SPAG7: variants seen among roughly 807,000 people sequenced by gnomAD.
The protein encoded by SPAG7 is sperm-associated antigen 7.
Under a neutral mutation model 30.6 loss-of-function variants are expected in SPAG7, and 20 were observed. The observed-to-expected ratio is 0.65, with a 90% CI of 0.46 to 0.95. The LOEUF (loss-of-function observed/expected upper bound fraction) is 0.95, where lower values mean the gene tolerates loss of function less well. Ranked by LOEUF, SPAG7 falls within the 40% of genes least tolerant of loss-of-function variation. The pLI, the probability that SPAG7 is intolerant of heterozygous loss-of-function variation, is 0.00. For missense variants in SPAG7, 276 were observed against 291.1 expected (o/e 0.95, Z 0.38); for synonymous variants, 127 against 104.2 (o/e 1.22, Z -1.33).
At chr17:4,962,526 G>C (rs1174016909) in intron 1 of SPAG7, among the ~76,000 whole-genome samples, 1 of 152,204 alleles carries the variant, frequency 6.6e-6, no homozygotes, top group Non-Finnish European at 1.5e-5. Flanking sequence ...TCCTACCTTA[G>C]CTTCTCAAGT....
chr17:4,962,355 C>T (rs564758517), intron 1 of SPAG7, among the ~76,000 whole-genome samples: 1 of 152,198 alleles, frequency 6.6e-6, no homozygotes, highest in East Asian at 1.9e-4. Context: ...CTCAAGTGAT[C>T]CCCCCGCCTC....
Position 4,959,630 on chromosome 17 carries a change from A to G in SPAG7, c.588T>C (p.Asn196=). The change falls in exon 7 of 7, where the codon AAT becomes AAC. Residue 196 remains asparagine, a synonymous_variant. Transcript: ENST00000206020. ...CTTCAATGGAGCGTGTGTCCCTCTT[A>G]TTGGCCACGGGCACTAGGGGCAGAG... ...NKTYGCVPVA[N]KRDTRSIEEA... is the part of the protein sequence containing the mutation. The G allele has an allele frequency of 6.2e-7, 1 of 1,613,928 alleles. No individual in the cohort carries two copies. Among genetic ancestry groups the G allele is most frequent in the Non-Finnish European group, 8.5e-7 (1 of 1,179,958 alleles).
At chr17:4,963,011 C>T (rs1196169434) in intron 1 of SPAG7, among the ~76,000 whole-genome samples, 1 of 151,850 alleles carries the variant, frequency 6.6e-6, no homozygotes, top group African/African-American at 2.4e-5. Context: ...AAGTAATCCT[C>T]CCACCTTGAC....
Position 4,959,400 on chromosome 17 carries a change from T to G in SPAG7, c.*134A>C, listed in dbSNP as rs1038986377. ...AACGGTGACAAATCAAACACCTGTT[T>G]TCCCCCAGCCTGAGGGACAGCTGGT... On this transcript the variant is annotated 3_prime_UTR_variant, in exon 7 of 7. Transcript: ENST00000206020. 10 of 689,320 alleles carry G rather than the reference T, an allele frequency of 1.5e-5. No homozygotes were observed. The highest frequency in any genetic ancestry group is 2.5e-5 in the Non-Finnish European group (10 of 396,756). 42.7% of individuals were successfully genotyped at this position (689,320 alleles called of 1,614,324 possible).
In SPAG7 at chr17:4,960,220, T is replaced by C; in HGVS notation, c.327+14A>G. On this transcript the variant is annotated intron_variant, in intron 4 of 6. Coordinates refer to ENST00000206020, the MANE Select transcript of SPAG7 (RefSeq NM_004890.3). The stretch of plus-strand genomic sequence containing the variant: ...AAAGGGGAGAGGAGAGAATGAGGAA[T>C]TCAGGCCCTTTACCTTTTTGAAGAT... The C allele has an allele frequency of 6.2e-7, 1 of 1,613,298 alleles. No homozygotes were observed. Among genetic ancestry groups the C allele is most frequent in the South Asian group, 1.1e-5 (1 of 91,072 alleles).
Position 4,959,242 on chromosome 17 carries a change from T to C in SPAG7, c.*292A>G, listed in dbSNP as rs1418619931. On this transcript the variant is annotated 3_prime_UTR_variant, in exon 7 of 7. Transcript: ENST00000206020. ...ACCAGGACATTGGGTTAAACAGTAT[T>C]TATTGAATGTAAAGTACCCCAGCCC... is the stretch of plus-strand genomic sequence containing the variant. 5 of 496,290 alleles carry C rather than the reference T, an allele frequency of 1.0e-5. No individual in the cohort carries two copies. Among genetic ancestry groups the C allele is most frequent in the Non-Finnish European group, 1.8e-5 (5 of 276,776 alleles). 30.7% of individuals were successfully genotyped at this position (496,290 alleles called of 1,614,324 possible). A position where few individuals can be genotyped will look rare whatever the true frequency, so the allele number is the denominator to read the frequency against.
chr17:4,960,800 C>T lies in SPAG7; in HGVS notation c.139G>A (p.Glu47Lys). ...GTTGTTCTCACCCTTTTACGAAACT[C>T]CACTTTCTGTTGTTTCTCTTGCTCT... ...LQEQEKQQKV[E>K]FRKRMEKEVS... is the part of the protein sequence containing the mutation. Residue 47 changes from glutamate (E) to lysine (K), a missense_variant, in exon 2 of 7, where the codon GAG becomes AAG. Physicochemically the swap from Glu to Lys is moderately conservative, Grantham distance 56 (BLOSUM62 1). Coordinates refer to ENST00000206020, the MANE Select transcript of SPAG7 (RefSeq NM_004890.3). The T allele has an allele frequency of 2.5e-6, 4 of 1,614,156 alleles. No homozygotes were observed. Among genetic ancestry groups the T allele is most frequent in the Non-Finnish European group, 3.4e-6 (4 of 1,179,998 alleles).
chr17:4,962,496 C>T (rs1267634321), intron 1 of SPAG7, among the ~76,000 whole-genome samples: 4 of 152,218 alleles, frequency 2.6e-5, no homozygotes, highest in East Asian at 3.8e-4. Flanking sequence ...CAGCCTTGAC[C>T]TCCCTGGCTC....
rs1597709715 is a variant in SPAG7 at position 4,959,421 on chromosome 17, C to T, written c.*113G>A. 2.6e-6 allele frequency: 2 copies of T among 782,510 alleles called. No individual in the cohort carries two copies. The highest frequency in any genetic ancestry group is 1.6e-5 in the South Asian group (1 of 63,896). The allele number at this position is 782,510 out of a possible 1,614,324, so 48.5% of individuals were successfully genotyped here. A position where few individuals can be genotyped will look rare whatever the true frequency, so the allele number is the denominator to read the frequency against. ...TGTTTTCCCCCAGCCTGAGGGACAGCTGGTAGGAGGTGGTTCAGAGGTGGG... is the reference window on the plus strand; with the variant it reads ...TGTTTTCCCCCAGCCTGAGGGACAGTTGGTAGGAGGTGGTTCAGAGGTGGG... On this transcript the variant is annotated 3_prime_UTR_variant, in exon 7 of 7. Transcript: ENST00000206020.
intron 1 of SPAG7, among the ~76,000 whole-genome samples, chr17:4,961,463 A>G (rs1260692640): frequency 1.4e-5 from 2 of 147,884 alleles, no homozygotes; most frequent in Non-Finnish European, 3.0e-5. Flanking sequence ...TCTCAAAAAA[A>G]AAAAAGAGAT....
In SPAG7 at chr17:4,967,808, G is replaced by C. The variant is rs1971996645; in HGVS notation, c.-4C>G. 6.2e-7 allele frequency: 1 copy of C among 1,610,574 alleles called. No homozygotes were observed. The highest frequency in any genetic ancestry group is 8.5e-7 in the Non-Finnish European group (1 of 1,176,876). ...TGGAGCCCAGTAGGTCCGCCATCTT[G>C]GGAGTGACTGAGAGGGGGCGGTGCG... On this transcript the variant is annotated 5_prime_UTR_variant, in exon 1 of 7. Transcript: ENST00000206020.
rs772016315 is a variant in SPAG7 at position 4,960,054 on chromosome 17, G to A, written c.385C>T (p.Pro129Ser). Reference sequence around the variant, plus strand: ...TTCCGCTTCTCCTCAGCCTTCTGGGGGTCCCATTCCTCTCCACGACGGTAA... The same window carrying A: ...TTCCGCTTCTCCTCAGCCTTCTGGGAGTCCCATTCCTCTCCACGACGGTAA... ...DSYRRGEEWD[P>S]QKAEEKRKLK... is the part of the protein sequence containing the mutation. Residue 129 changes from proline (P) to serine (S), a missense_variant, in exon 5 of 7, where the codon CCC (proline) becomes TCC (serine). Pro to Ser is a moderately conservative substitution (Grantham distance 74). Transcript: ENST00000206020. 10 of 1,614,118 alleles carry A rather than the reference G, an allele frequency of 6.2e-6. No individual in the cohort carries two copies. In the Middle Eastern group the frequency reaches 6.6e-4, roughly 107 times the overall value.
In SPAG7 at chr17:4,962,360, C is replaced by T. The variant is rs755684821; in HGVS notation, c.86-1507G>A. On this transcript the variant is annotated intron_variant, in intron 1 of 6. Coordinates refer to ENST00000206020, the MANE Select transcript of SPAG7 (RefSeq NM_004890.3). ...AACTCCTGAGCTCAAGTGATCCCCC[C>T]GCCTCACCTTCCCAAAAGTGCTGGA... 3.2e-4 allele frequency among the ~76,000 whole-genome samples: 48 copies of T among 152,244 alleles called. 1 individual carries two copies. The highest frequency in any genetic ancestry group is 3.4e-3 in the Middle Eastern group (1 of 294).
intron 1 of SPAG7, chr17:4,967,065 CA>C: frequency 1.0e-6 from 1 of 985,710 alleles, no homozygotes; most frequent in East Asian, 1.1e-4. Context: ...TCCGAGAACG[CA>C]GGCGGAGACA....
intron 1 of SPAG7, among the ~76,000 whole-genome samples, chr17:4,964,462 C>A (rs917295783): frequency 6.8e-6 from 1 of 146,696 alleles, no homozygotes; most frequent in Non-Finnish European, 1.5e-5. Context: ...CCCGGGTTCA[C>A]GCCATTCTCC....
intron 1 of SPAG7, among the ~76,000 whole-genome samples, chr17:4,965,141 G>A (rs1971928942): frequency 6.6e-6 from 1 of 151,960 alleles, no homozygotes. Flanking sequence ...TCGAACTCCC[G>A]ACGTCAGGTG....
At chr17:4,961,796 T>A (rs72835085) in intron 1 of SPAG7, among the ~76,000 whole-genome samples, 12,974 of 144,904 alleles carry the variant, frequency 0.09, 750 homozygotes, top group Middle Eastern at 0.13. Context: ...AGATTAAGAA[T>A]AACAATAATA....
intron 1 of SPAG7, 84 bp from the exon 2 acceptor site, chr17:4,960,937 TC>T: frequency 1.7e-6 from 2 of 1,202,396 alleles, no homozygotes; most frequent in Non-Finnish European, 2.5e-6. Context: ...AAGTGTGGTG[TC>T]CACTGGGAGG....
rs369958345 is a variant in SPAG7 at position 4,962,615 on chromosome 17, C to T, written c.86-1762G>A. ...TAAAAATATTTGTGAGATGAGGTCTCACTATGTTGCCCAGGATGGTATTTT... is the reference window on the plus strand; with the variant it reads ...TAAAAATATTTGTGAGATGAGGTCTTACTATGTTGCCCAGGATGGTATTTT... On this transcript the variant is annotated intron_variant, in intron 1 of 6. Coordinates refer to ENST00000206020, the MANE Select transcript of SPAG7 (RefSeq NM_004890.3). Among the ~76,000 whole-genome samples, 33 of 151,982 alleles carry T rather than the reference C, an allele frequency of 2.2e-4. No homozygotes were observed. The East Asian group carries it at 4.6e-3, about 21-fold the overall frequency.
Sources: gnomAD v4.1 joint callset for allele counts (sites outside exome capture counted in the v4.1 genomes callset) on GRCh38, gnomAD v4.1.1 for gene constraint, MANE v1.5 for transcripts, NCBI Gene and HGNC (gene_info 2026-07-23, HGNC 2026-07-21) for gene names.